Variants in RBPJ observed in about 807,000 individuals in gnomAD.
RBPJ encodes the protein recombination signal binding protein for immunoglobulin kappa J region.
RBPJ carries 9 observed loss-of-function variants against 67.8 expected under a neutral mutation model. The observed-to-expected ratio is 0.13, with a 90% CI of 0.08 to 0.23. RBPJ has a LOEUF of 0.23. Among genes scored for constraint, RBPJ ranks in the 10% least tolerant of loss-of-function variants. The pLI, the probability that RBPJ is intolerant of heterozygous loss-of-function variation, is 1.00. For missense variants in RBPJ, 305 were observed against 595.6 expected (o/e 0.51, Z 5.08); for synonymous variants, 198 against 203.3 (o/e 0.97, Z 0.22).
At chr4:26,313,368 C>A (rs1722499155) in intron 1 of RBPJ, among the ~76,000 whole-genome samples, 1 of 151,970 alleles carries the variant, frequency 6.6e-6, no homozygotes, top group Non-Finnish European at 1.5e-5. Flanking sequence ...GCCATCTCTA[C>A]TAAAAATACA....
chr4:26,148,215 A>G, the RBPJ span, among the ~76,000 whole-genome samples: 5 of 152,086 alleles, frequency 3.3e-5, no homozygotes, highest in African/African-American at 1.2e-4. Flanking sequence ...AGTGCCTTTT[A>G]CCAAGAGGGA....
At chr4:26,423,446 C>T (rs1466651565) in intron 5 of RBPJ, among the ~76,000 whole-genome samples, 2 of 152,200 alleles carry the variant, frequency 1.3e-5, no homozygotes, top group African/African-American at 4.8e-5. Flanking sequence ...TTGCTCAGAG[C>T]AGCCTGCTTA....
chr4:26,147,413 C>T, the RBPJ span, among the ~76,000 whole-genome samples: 6 of 152,208 alleles, frequency 3.9e-5, no homozygotes, highest in South Asian at 2.1e-4. Flanking sequence ...CTTTTGCCCC[C>T]GCAAAACAAG....
chr4:26,354,954 T>C (rs929306402), intron 1 of RBPJ, among the ~76,000 whole-genome samples: 4 of 152,252 alleles, frequency 2.6e-5, no homozygotes, highest in Non-Finnish European at 5.9e-5. Context: ...TTCAGGCTTA[T>C]ATTCTCTCTT....
chr4:26,402,436 C>T lies in RBPJ; in HGVS notation c.60-3739C>T, dbSNP rs551690104. 1.3e-4 allele frequency among the ~76,000 whole-genome samples: 20 copies of T among 152,318 alleles called. No individual in the cohort carries two copies. In the East Asian group the frequency reaches 2.5e-3, roughly 19 times the overall value. On this transcript the variant is annotated intron_variant, in intron 2 of 10. Transcript: ENST00000355476. ...CATAGTTAGCTTCCTTTTCCATACC[C>T]TGGAAGGTATTTCCAGTATTGTTTT...
intron 2 of RBPJ, among the ~76,000 whole-genome samples, chr4:26,393,403 C>T (rs915866374): frequency 6.6e-6 from 1 of 152,110 alleles, no homozygotes; most frequent in Non-Finnish European, 1.5e-5. Flanking sequence ...GAGACAGAGT[C>T]TGGCTTTATC....
chr4:26,126,369 C>T, the RBPJ span, among the ~76,000 whole-genome samples: 1 of 152,224 alleles, frequency 6.6e-6, no homozygotes, highest in Admixed American at 6.5e-5. Context: ...CGGGGAATCC[C>T]CCATTGTGTA....
intron 5 of RBPJ, 81 bp downstream of exon 5, chr4:26,420,806 T>A: frequency 1.8e-6 from 2 of 1,134,950 alleles, no homozygotes; most frequent in Non-Finnish European, 2.5e-6. Flanking sequence ...AAAATTGCCT[T>A]TTCAATAGCC....
At chr4:26,210,798 T>TCTTTCTTTCTTTCTTC (rs1718391426) in intron 1 of RBPJ, among the ~76,000 whole-genome samples, 1 of 149,368 alleles carries the variant, frequency 6.7e-6, no homozygotes, top group Non-Finnish European at 1.5e-5. Flanking sequence ...TTTCTTTCTT[T>TCTTTCTTTCTTTCTTC]CTTTCTTTCT....
At chr4:26,240,263 A>G (rs57834358) in intron 1 of RBPJ, among the ~76,000 whole-genome samples, 8,735 of 152,256 alleles carry the variant, frequency 0.057, 755 homozygotes, top group African/African-American at 0.19. Context: ...TTCATTTAAC[A>G]ACTCTACTTC....
the RBPJ span, among the ~76,000 whole-genome samples, chr4:26,108,249 G>A: frequency 6.6e-6 from 1 of 152,218 alleles, no homozygotes; most frequent in African/African-American, 2.4e-5. Context: ...TCAGACGGAA[G>A]TGACAATTCT....
intron 1 of RBPJ, among the ~76,000 whole-genome samples, chr4:26,178,441 T>C (rs1310151633): frequency 6.6e-6 from 1 of 151,700 alleles, no homozygotes; most frequent in East Asian, 1.9e-4. Flanking sequence ...TCCCTGTCTG[T>C]ACAAAAATTT....
At chr4:26,168,127 G>A (rs1384546514) in intron 1 of RBPJ, among the ~76,000 whole-genome samples, 3 of 151,436 alleles carry the variant, frequency 2.0e-5, no homozygotes, top group African/African-American at 7.3e-5. Context: ...GATGTTAGCT[G>A]GTTATTTTGC....
intron 1 of RBPJ, among the ~76,000 whole-genome samples, chr4:26,312,315 TAGA>T (rs1722457567): frequency 6.6e-6 from 1 of 152,138 alleles, no homozygotes; most frequent in Admixed American, 6.5e-5. Flanking sequence ...GTATTTTTAG[TAGA>T]AACGGGGTTT....
chr4:26,397,633 T>G (rs1382527784), intron 2 of RBPJ, among the ~76,000 whole-genome samples: 5 of 152,116 alleles, frequency 3.3e-5, no homozygotes, highest in South Asian at 2.1e-4. Context: ...TAACTCTTTT[T>G]TTGTTGTTGT....
intron 1 of RBPJ, among the ~76,000 whole-genome samples, chr4:26,351,419 G>A (rs570251471): frequency 6.6e-6 from 1 of 152,160 alleles, no homozygotes; most frequent in African/African-American, 2.4e-5. Flanking sequence ...TGGGGGGTGG[G>A]TGACTGGGTC....
At chr4:26,161,004 T>C (rs1421074498), upstream of RBPJ, among the ~76,000 whole-genome samples, 1 of 152,262 alleles carries the variant, frequency 6.6e-6, no homozygotes, top group Non-Finnish European at 1.5e-5. Flanking sequence ...TTCCAGTTAC[T>C]GTTCTTGGCC....
At chr4:26,161,852 C>T (rs199754157), upstream of RBPJ, among the ~76,000 whole-genome samples, 27 of 152,250 alleles carry the variant, frequency 1.8e-4, no homozygotes, top group East Asian at 3.7e-3. Flanking sequence ...CATTATTGAC[C>T]GTCACGACAA....
At chr4:26,364,828 T>C (rs1728462340) in intron 1 of RBPJ, among the ~76,000 whole-genome samples, 1 of 151,726 alleles carries the variant, frequency 6.6e-6, no homozygotes, top group South Asian at 2.1e-4. Context: ...GGTTTCGCTA[T>C]GTTGGCCAGG....
Sources: allele counts gnomAD v4.1 joint callset (sites outside exome capture counted in the v4.1 genomes callset), GRCh38; gene constraint gnomAD v4.1.1; transcripts MANE v1.5; gene names NCBI Gene and HGNC (gene_info 2026-07-23, HGNC 2026-07-21).